SCLT1: variants seen among roughly 807,000 people sequenced by gnomAD.
SCLT1 encodes sodium channel and clathrin linker 1.
SCLT1 carries 78 observed loss-of-function variants against 112.8 expected under a neutral mutation model. The observed-to-expected ratio is 0.69, with a 90% CI of 0.58 to 0.83. The LOEUF is 0.83. Ranked by LOEUF, SCLT1 falls within the 40% of genes least tolerant of loss-of-function variation. The pLI, the probability that SCLT1 is intolerant of heterozygous loss-of-function variation, is 0.00. For synonymous variants in SCLT1, 257 were observed against 254.7 expected (o/e 1.01, Z -0.09); for missense variants, 747 against 770.4 (o/e 0.97, Z 0.36).
At chr4:129,052,983 T>C (rs1483724476) in intron 2 of SCLT1, among the ~76,000 whole-genome samples, 1 of 152,178 alleles carries the variant, frequency 6.6e-6, no homozygotes, top group Non-Finnish European at 1.5e-5. Flanking sequence ...ATTTCGTTAT[T>C]TACCCAGTAG....
chr4:128,946,145 C>T lies in SCLT1; in HGVS notation c.1301G>A (p.Arg434His), dbSNP rs200051986. 187 of 1,601,718 alleles carry T rather than the reference C, an allele frequency of 1.2e-4. No individual in the cohort carries two copies. Among genetic ancestry groups the T allele is most frequent in the African/African-American group, 8.8e-4 (66 of 74,616 alleles). ...AVEEELEKIY[R>H]EGRGNESDYR... is the part of the protein sequence containing the mutation. ...ATCACTCTCATTTCCTCTGCCTTCA[C>T]GGTAAATCTGCAGAAAAGGCTTATT... Residue 434 changes from arginine (R) to histidine (H), a missense_variant, in exon 16 of 21, where the codon CGT becomes CAT. This residue lies in a region of SCLT1 where 723 missense variants were observed against 721.3 expected (regional missense o/e 1.00). Coordinates refer to ENST00000281142, the MANE Select transcript of SCLT1 (RefSeq NM_144643.4).
At chr4:128,960,476 T>C (rs1739590843) in intron 11 of SCLT1, among the ~76,000 whole-genome samples, 1 of 152,194 alleles carries the variant, frequency 6.6e-6, no homozygotes, top group Non-Finnish European at 1.5e-5. Context: ...TGTAACCTCA[T>C]TTCACTGTTA....
intron 2 of SCLT1, among the ~76,000 whole-genome samples, chr4:129,074,682 A>G (rs1751311016): frequency 6.6e-6 from 1 of 152,198 alleles, no homozygotes; most frequent in Admixed American, 6.5e-5. Context: ...AATAACTGAT[A>G]TTGTGTAATT....
intron 18 of SCLT1, among the ~76,000 whole-genome samples, chr4:128,896,007 C>A (rs1560811739): frequency 6.6e-6 from 1 of 152,204 alleles, no homozygotes; most frequent in African/African-American, 2.4e-5. Flanking sequence ...CCCGCCATTG[C>A]CAAAGCTTGA....
At chr4:129,071,403 G>A (rs1008815783) in intron 2 of SCLT1, among the ~76,000 whole-genome samples, 1 of 152,068 alleles carries the variant, frequency 6.6e-6, no homozygotes, top group Non-Finnish European at 1.5e-5. Context: ...TTAATGTGTT[G>A]CTGTCTATCT....
intron 2 of SCLT1, among the ~76,000 whole-genome samples, chr4:129,054,394 C>T (rs547021582): frequency 7.2e-5 from 11 of 152,096 alleles, no homozygotes; most frequent in Non-Finnish European, 1.6e-4. Flanking sequence ...ACCAATCAAA[C>T]GTAGATTTGG....
intron 9 of SCLT1, among the ~76,000 whole-genome samples, chr4:128,973,066 ACATGTTTG>A (rs1740829861): frequency 6.8e-6 from 1 of 146,990 alleles, no homozygotes; most frequent in African/African-American, 2.4e-5. Context: ...TTCTTTTTTC[ACATGTTTG>A]GCTGGACTAG....
chr4:128,959,714 C>G lies in SCLT1; in HGVS notation c.933G>C (p.Gln311His), dbSNP rs1212097525. The G allele has an allele frequency of 6.2e-7, 1 of 1,613,326 alleles. No individual in the cohort carries two copies. Among genetic ancestry groups the G allele is most frequent in the Non-Finnish European group, 8.5e-7 (1 of 1,179,616 alleles). The change falls in exon 12 of 21, where the codon CAG becomes CAC. Residue 311 changes from glutamine (Q) to histidine (H), a missense_variant. Gln to His is a conservative substitution (Grantham distance 24). Transcript: ENST00000281142. ...TGCACTTTGCTTGTAGCTCTCTGGT[C>G]TGTTTTTCCAGATGTGTATTTTCGG... ...LRTENTHLEK[Q>H]TRELQAKCNE...
downstream of SCLT1, among the ~76,000 whole-genome samples, chr4:128,882,973 C>G (rs953916221): frequency 2.0e-5 from 3 of 151,748 alleles, no homozygotes; most frequent in African/African-American, 7.3e-5. Flanking sequence ...ATGGTGAAAC[C>G]CCATCTCTAT....
chr4:129,042,110 C>T (rs142419027), intron 4 of SCLT1, among the ~76,000 whole-genome samples: 1 of 152,274 alleles, frequency 6.6e-6, no homozygotes, highest in East Asian at 1.9e-4. Context: ...CCAACCCTGC[C>T]ACCCTTGCTA....
At chr4:128,897,978 T>C (rs1346487912) in intron 18 of SCLT1, among the ~76,000 whole-genome samples, 3 of 152,044 alleles carry the variant, frequency 2.0e-5, no homozygotes, top group Admixed American at 6.6e-5. Flanking sequence ...GCTAACTATC[T>C]TAAATATATA....
At position 129,003,813 on chromosome 4, in the gene SCLT1, C is replaced by T; in HGVS notation, c.354G>A (p.Glu118=). ...CATCTGCATATATGTCAGTTCCTAC[C>T]TCTGTGCCCAGGGGAAAGGCCTCCA... ...KKLEAFPLGT[E]VGTDIYADDE... Residue 118 remains glutamate (E), a synonymous_variant, in exon 6 of 21, where the codon GAG becomes GAA. Transcript: ENST00000281142. 6.2e-7 allele frequency: 1 copy of T among 1,612,286 alleles called. No individual in the cohort carries two copies. Among genetic ancestry groups the T allele is most frequent in the South Asian group, 1.1e-5 (1 of 90,894 alleles).
intron 13 of SCLT1, among the ~76,000 whole-genome samples, chr4:128,954,736 G>A (rs1482899000): frequency 6.6e-6 from 1 of 152,192 alleles, no homozygotes; most frequent in Non-Finnish European, 1.5e-5. Context: ...ATTAATGGGT[G>A]TTAGGTACTA....
intron 2 of SCLT1, among the ~76,000 whole-genome samples, chr4:129,052,551 G>T (rs974050927): frequency 3.3e-5 from 5 of 151,482 alleles, no homozygotes; most frequent in African/African-American, 9.7e-5. Flanking sequence ...GTAGTTTTTG[G>T]TTTCTGTGGG....
intron 5 of SCLT1, chr4:129,037,785 A>T (rs1747313183): frequency 6.6e-6 from 1 of 152,212 alleles, no homozygotes; most frequent in Non-Finnish European, 1.5e-5. Flanking sequence ...CACTTTGGCA[A>T]TTTAATAAGA....
At chr4:128,909,734 A>C (rs1734948671) in intron 18 of SCLT1, among the ~76,000 whole-genome samples, 1 of 152,210 alleles carries the variant, frequency 6.6e-6, no homozygotes, top group Non-Finnish European at 1.5e-5. Flanking sequence ...TAATATGTAG[A>C]CTAGGAATAT....
At chr4:128,876,373 C>T (rs1732520583) in intron 4 of SCLT1, 1 of 152,156 alleles carries the variant, frequency 6.6e-6, no homozygotes, top group Non-Finnish European at 1.5e-5. Context: ...CACAATAGTT[C>T]CCTAGGGAAA....
intron 13 of SCLT1, among the ~76,000 whole-genome samples, chr4:128,955,955 G>A (rs1739181887): frequency 6.6e-6 from 1 of 152,156 alleles, no homozygotes; most frequent in Non-Finnish European, 1.5e-5. Flanking sequence ...GCTGGCTACA[G>A]GAAATCAACA....
At chr4:128,978,396 A>G (rs1225930849) in intron 9 of SCLT1, among the ~76,000 whole-genome samples, 1 of 152,106 alleles carries the variant, frequency 6.6e-6, no homozygotes, top group Non-Finnish European at 1.5e-5. Flanking sequence ...TACTTTTCAT[A>G]GGTAGGATAA....
Sources: allele counts gnomAD v4.1 joint callset (sites outside exome capture counted in the v4.1 genomes callset), GRCh38; gene constraint gnomAD v4.1.1; regional missense constraint gnomAD v4.1.1; transcripts MANE v1.5; gene names NCBI Gene and HGNC (gene_info 2026-07-23, HGNC 2026-07-21).